The following KNTC1 variants were observed in gnomAD, a reference collection of about 807,000 sequenced individuals.
KNTC1 encodes the protein kinetochore associated 1.
A neutral mutation model predicts 314.4 loss-of-function variants in KNTC1; 253 were observed. That is an observed-to-expected ratio of 0.80 (90% CI 0.73 to 0.89). The LOEUF (loss-of-function observed/expected upper bound fraction) is 0.89, where lower values mean the gene tolerates loss of function less well. KNTC1 is among the 40% of genes least tolerant of loss of function. The probability of loss-of-function intolerance (pLI) is 0.00; values close to 1 mark genes in which losing one functional copy is unlikely to be tolerated. For missense variants in KNTC1, 2,475 were observed against 2,572.9 expected (o/e 0.96, Z 0.82); for synonymous variants, 901 against 901.4 (o/e 1.00, Z 0.01).
Position 122,551,368 on chromosome 12 carries a change from T to C in KNTC1, c.1130+6T>C. ...GTTTGCAAAAATGATCCAAAGTAGG[T>C]CATGTTTTACCGTGTTAAGTAATAG... On this transcript the variant is annotated splice_donor_region_variant and intron_variant, in intron 14 of 63. Transcript: ENST00000333479. 15 of 1,595,072 alleles carry C rather than the reference T, an allele frequency of 9.4e-6. No homozygotes were observed. The highest frequency in any genetic ancestry group is 1.3e-5 in the Non-Finnish European group (15 of 1,166,598).
At position 122,604,935 on chromosome 12, in the gene KNTC1, G is replaced by T; in HGVS notation, c.5234G>T (p.Arg1745Leu). The change falls in exon 50 of 64, where the codon CGA becomes CTA. Residue 1745 changes from arginine (R) to leucine (L), a missense_variant. Physicochemically the swap from Arg to Leu is moderately radical, Grantham distance 102. Coordinates refer to ENST00000333479, the MANE Select transcript of KNTC1 (RefSeq NM_014708.6). Reference sequence around the variant, plus strand: ...AAGAAGCTTCATATCCAGTACCGGCGATCGGGCACAGAAGCTGTGCTCATA... The same window carrying T: ...AAGAAGCTTCATATCCAGTACCGGCTATCGGGCACAGAAGCTGTGCTCATA... ...LLKKLHIQYR[R>L]SGTEAVLIAH... 1.2e-6 allele frequency: 2 copies of T among 1,610,994 alleles called. No homozygotes were observed. Among genetic ancestry groups the T allele is most frequent in the Non-Finnish European group, 1.7e-6 (2 of 1,178,566 alleles).
chr12:122,601,727 C>A, intron 45 of KNTC1, 102 bp downstream of exon 45: 1 of 1,099,470 alleles, frequency 9.1e-7, no homozygotes, highest in Non-Finnish European at 1.2e-6. Flanking sequence ...CCATTGAATT[C>A]CCTTTAAACT....
At position 122,529,312 on chromosome 12, in the gene KNTC1, G is replaced by A. The variant is rs75152564; in HGVS notation, c.-73-679G>A. On this transcript the variant is annotated intron_variant, in intron 1 of 63. Coordinates refer to ENST00000333479, the MANE Select transcript of KNTC1 (RefSeq NM_014708.6). ...GAAACATACTTCTAGTAGCACTTAT[G>A]AAACCAATTGTAATTATTTGATTAT... 7.6e-3 allele frequency among the ~76,000 whole-genome samples: 1,153 copies of A among 152,218 alleles called. 13 individuals are homozygous for A. Among genetic ancestry groups the A allele is most frequent in the African/African-American group, 0.027 (1,115 of 41,524 alleles).
chr12:122,556,230 C>G (rs1337388608), intron 16 of KNTC1, among the ~76,000 whole-genome samples: 8 of 151,806 alleles, frequency 5.3e-5, no homozygotes, highest in Non-Finnish European at 1.0e-4. Context: ...GTTGCTCAAG[C>G]TGGTCTTGAA....
intron 21 of KNTC1, among the ~76,000 whole-genome samples, chr12:122,569,451 T>G (rs1964550219): frequency 6.6e-6 from 1 of 152,248 alleles, no homozygotes; most frequent in African/African-American, 2.4e-5. Context: ...ATACTCTCTC[T>G]GCTGGTTCTT....
At position 122,565,240 on chromosome 12, in the gene KNTC1, GT is replaced by G. The variant is rs34289528; in HGVS notation, c.1604+2553del. Among the ~76,000 whole-genome samples, 473 of 99,316 alleles carry G rather than the reference GT, an allele frequency of 4.8e-3. 7 individuals are homozygous for G. The highest frequency in any genetic ancestry group is 0.012 in the African/African-American group (392 of 31,466). 65.2% of individuals were successfully genotyped at this position (99,316 alleles called of 152,430 possible). A position where few individuals can be genotyped will look rare whatever the true frequency, so the allele number is the denominator to read the frequency against. The stretch of plus-strand genomic sequence containing the variant: ...CCTTGGTCCCTCTTTCTCTTGAGTT[GT>G]TTTTTTTTTTTAAAAAAAAAAAAAC... On this transcript the variant is annotated intron_variant, in intron 20 of 63. Transcript: ENST00000333479.
At chr12:122,548,386 T>C (rs1246673011) in intron 12 of KNTC1, among the ~76,000 whole-genome samples, 4 of 151,956 alleles carry the variant, frequency 2.6e-5, no homozygotes, top group Non-Finnish European at 5.9e-5. Flanking sequence ...ATTTTTGTAC[T>C]TTTAGTAGAG....
At position 122,539,707 on chromosome 12, in the gene KNTC1, G is replaced by A. The variant is rs374115933; in HGVS notation, c.398G>A (p.Arg133Gln). The A allele has an allele frequency of 3.5e-5, 55 of 1,580,814 alleles. No homozygotes were observed. Among genetic ancestry groups the A allele is most frequent in the African/African-American group, 5.4e-5 (4 of 73,900 alleles). The change falls in exon 5 of 64, where the codon CGG becomes CAG. Residue 133 changes from arginine to glutamine, a missense_variant. Coordinates refer to ENST00000333479, the MANE Select transcript of KNTC1 (RefSeq NM_014708.6). ...AFVQKANDEN[R>Q]RTYQNLVIEK... ...GTTCAGAAAGCTAACGATGAAAATC[G>A]GCGGACTTACCAGAATCTTGTCATT...
Position 122,605,150 on chromosome 12 carries a change from G to GTATATGTACATATACATATACGTTTTA in KNTC1, c.5386+68_5386+69insGTACATATACATATACGTTTTATATAT, listed in dbSNP as rs1261381022. 7.7e-5 allele frequency: 107 copies of GTATATGTACATATACATATACGTTTTA among 1,396,188 alleles called. No individual in the cohort carries two copies. In the African/African-American group the frequency reaches 1.3e-3, roughly 17 times the overall value. The allele number at this position is 1,396,188 out of a possible 1,614,324, so 86.5% of individuals were successfully genotyped here. A position where few individuals can be genotyped will look rare whatever the true frequency, so the allele number is the denominator to read the frequency against. On this transcript the variant is annotated intron_variant, in intron 50 of 63. Transcript: ENST00000333479. The stretch of plus-strand genomic sequence containing the variant: ...CTATTATTTTGATTCTCAGTTTTAT[G>GTATATGTACATATACATATACGTTTTA]TATATATGTACGTGTACATATATAT...
intron 20 of KNTC1, among the ~76,000 whole-genome samples, chr12:122,565,517 T>TA (rs967111269): frequency 1.9e-4 from 13 of 68,394 alleles, no homozygotes; most frequent in African/African-American, 3.9e-4. Context: ...TTATTATTAT[T>TA]TTTTTTTTTT....
chr12:122,604,048 G>C (rs1247730292), intron 48 of KNTC1, among the ~76,000 whole-genome samples: 1 of 152,050 alleles, frequency 6.6e-6, no homozygotes, highest in African/African-American at 2.4e-5. Flanking sequence ...TACCCATTAG[G>C]GTTAAGATGC....
At chr12:122,548,424 G>A (rs950145432) in intron 12 of KNTC1, among the ~76,000 whole-genome samples, 8 of 151,934 alleles carry the variant, frequency 5.3e-5, no homozygotes, top group Admixed American at 1.3e-4. Flanking sequence ...TGGCCAGGCC[G>A]GTCTCTATCT....
chr12:122,616,691 G>A (rs1324594257), intron 57 of KNTC1, among the ~76,000 whole-genome samples: 1 of 152,188 alleles, frequency 6.6e-6, no homozygotes, highest in Non-Finnish European at 1.5e-5. Flanking sequence ...GGTCTCTGGA[G>A]ATTGTTCCAT....
At chr12:122,547,772 C>A in intron 11 of KNTC1, 143 bp from the exon 12 acceptor site, 1 of 611,150 alleles carries the variant, frequency 1.6e-6, no homozygotes, top group East Asian at 2.9e-5. Context: ...GTGTCTATTA[C>A]ATTTTATTTT....
intron 2 of KNTC1, among the ~76,000 whole-genome samples, chr12:122,534,296 C>A (rs756110779): frequency 1.3e-5 from 2 of 152,296 alleles, no homozygotes; most frequent in Non-Finnish European, 2.9e-5. Flanking sequence ...CTCCAGTTCA[C>A]AGTTCACCAC....
At chr12:122,584,063 G>A (rs1000371552) in intron 34 of KNTC1, among the ~76,000 whole-genome samples, 1 of 152,212 alleles carries the variant, frequency 6.6e-6, no homozygotes, top group Non-Finnish European at 1.5e-5. Flanking sequence ...GGTTGAGGCT[G>A]CAGTGAGCCA....
Position 122,620,389 on chromosome 12 carries a change from G to A in KNTC1, c.6150-90G>A. ...TAGTGTTTAAAATTATTGAAAACTT[G>A]GACAGGCAGATGACTATGGAAAGCT... On this transcript the variant is annotated intron_variant, in intron 59 of 63. Transcript: ENST00000333479. The A allele has an allele frequency of 4.1e-6, 5 of 1,207,572 alleles. 1 individual carries two copies. Among genetic ancestry groups the A allele is most frequent in the Middle Eastern group, 2.3e-4 (1 of 4,330 alleles). 74.8% of individuals were successfully genotyped at this position (1,207,572 alleles called of 1,614,324 possible). A position where few individuals can be genotyped will look rare whatever the true frequency, so the allele number is the denominator to read the frequency against.
intron 3 of KNTC1, among the ~76,000 whole-genome samples, chr12:122,537,255 T>C (rs1487489081): frequency 1.3e-5 from 2 of 152,186 alleles, no homozygotes; most frequent in African/African-American, 2.4e-5. Context: ...GTCATTTGGC[T>C]AACTTCCTCA....
intron 33 of KNTC1, among the ~76,000 whole-genome samples, chr12:122,581,027 CAAAA>C (rs11344365): frequency 5.1e-5 from 6 of 117,922 alleles, no homozygotes; most frequent in Non-Finnish European, 7.1e-5. Flanking sequence ...GACTCCATCT[CAAAA>C]AAAAAAAAAA....
Sources: gnomAD v4.1 joint callset for allele counts (sites outside exome capture counted in the v4.1 genomes callset) on GRCh38, gnomAD v4.1.1 for gene constraint, MANE v1.5 for transcripts, NCBI Gene and HGNC (gene_info 2026-07-23, HGNC 2026-07-21) for gene names.